COL11A1: variants seen among roughly 807,000 people sequenced by gnomAD.
The protein encoded by COL11A1 is collagen type XI alpha 1 chain.
In COL11A1, 74 loss-of-function variants were observed where a neutral mutation model predicts 265.2. The observed-to-expected ratio is 0.28, with a 90% CI of 0.23 to 0.34. The LOEUF (loss-of-function observed/expected upper bound fraction) is 0.34, where lower values mean the gene tolerates loss of function less well. Among genes scored for constraint, COL11A1 ranks in the 10% least tolerant of loss-of-function variants. COL11A1 has a pLI of 1.00. For synonymous variants in COL11A1, 816 were observed against 727.6 expected (o/e 1.12, Z -1.96); for missense variants, 2,165 against 2,263.6 (o/e 0.96, Z 0.88).
intron 54 of COL11A1, among the ~76,000 whole-genome samples, chr1:102,908,326 A>G (rs906027998): frequency 6.6e-6 from 1 of 152,096 alleles, no homozygotes; most frequent in African/African-American, 2.4e-5. Context: ...TTTTCTCCTA[A>G]TCGGATCTTT....
rs375496866 is a variant in COL11A1 at position 102,899,015 on chromosome 1, G to T, written c.4087-21C>A. ...GGACCCTATAGACATAAGATTTATTGTAAAATATGTATCACATATAAAAGT... is the reference window on the plus strand; with the variant it reads ...GGACCCTATAGACATAAGATTTATTTTAAAATATGTATCACATATAAAAGT... On this transcript the variant is annotated intron_variant, in intron 54 of 66. Coordinates refer to ENST00000370096, the MANE Select transcript of COL11A1 (RefSeq NM_001854.4). The T allele has an allele frequency of 3.6e-6, 5 of 1,398,530 alleles. No individual in the cohort carries two copies. The African/African-American group carries it at 5.8e-5, about 16-fold the overall frequency. 86.6% of individuals were successfully genotyped at this position (1,398,530 alleles called of 1,614,324 possible). A position where few individuals can be genotyped will look rare whatever the true frequency, so the allele number is the denominator to read the frequency against.
At chr1:102,898,425 A>T (rs1387960710) in intron 56 of COL11A1, among the ~76,000 whole-genome samples, 1 of 151,884 alleles carries the variant, frequency 6.6e-6, no homozygotes, top group African/African-American at 2.4e-5. Context: ...CATCATTGAA[A>T]TTTTAAAATT....
chr1:102,947,608 A>AT (rs1007631399), intron 41 of COL11A1, among the ~76,000 whole-genome samples: 6 of 151,812 alleles, frequency 4.0e-5, no homozygotes, highest in Non-Finnish European at 5.9e-5. Flanking sequence ...AGGTTTTTTA[A>AT]TTTTTTTTAA....
intron 54 of COL11A1, among the ~76,000 whole-genome samples, chr1:102,901,982 C>T (rs1045332892): frequency 2.0e-5 from 3 of 151,972 alleles, no homozygotes; most frequent in African/African-American, 2.4e-5. Context: ...GTAAAATAAA[C>T]AAAGATGATA....
chr1:102,956,045 A>G lies in COL11A1; in HGVS notation c.3168+5821T>C, dbSNP rs111629237. 3.7e-3 allele frequency among the ~76,000 whole-genome samples: 565 copies of G among 152,320 alleles called. 5 individuals are homozygous for G. The highest frequency in any genetic ancestry group is 0.012 in the African/African-American group (519 of 41,570). Reference sequence around the variant, plus strand: ...AGCACCCTATTGGTATAATTTTGTCATAAGTGGTAGCACGACAGAACGTTC... The same window carrying G: ...AGCACCCTATTGGTATAATTTTGTCGTAAGTGGTAGCACGACAGAACGTTC... On this transcript the variant is annotated intron_variant, in intron 41 of 66. Coordinates refer to ENST00000370096, the MANE Select transcript of COL11A1 (RefSeq NM_001854.4).
intron 4 of COL11A1, among the ~76,000 whole-genome samples, chr1:103,044,238 G>GT (rs1669068444): frequency 6.7e-6 from 1 of 150,290 alleles, no homozygotes; most frequent in Non-Finnish European, 1.5e-5. Flanking sequence ...GTAAAGGAAA[G>GT]TTGCCAAAAT....
At chr1:103,074,062 T>G (rs897851004) in intron 4 of COL11A1, among the ~76,000 whole-genome samples, 1 of 152,084 alleles carries the variant, frequency 6.6e-6, no homozygotes, top group Non-Finnish European at 1.5e-5. Flanking sequence ...AGTTGTCATA[T>G]CCAATGATTG....
At chr1:103,004,394 A>C (rs767977738) in intron 20 of COL11A1, 50 bp downstream of exon 20, 1 of 1,338,686 alleles carries the variant, frequency 7.5e-7, no homozygotes, top group South Asian at 1.2e-5. Context: ...ACCAGTCACT[A>C]GTCCTAAAAA....
At position 102,970,110 on chromosome 1, in the gene COL11A1, T is replaced by C. The variant is rs1661817501; in HGVS notation, c.2862+109A>G. 6.7e-6 allele frequency: 5 copies of C among 744,102 alleles called. No homozygotes were observed. The South Asian group carries it at 1.0e-4, about 15-fold the overall frequency. 46.1% of individuals were successfully genotyped at this position (744,102 alleles called of 1,614,324 possible). ...AGGCTTAATGGAATTAATTTTTCCA[T>C]TTTTCTCAACCTAGTAATTGAAATG... On this transcript the variant is annotated intron_variant, in intron 37 of 66. Coordinates refer to ENST00000370096, the MANE Select transcript of COL11A1 (RefSeq NM_001854.4).
intron 12 of COL11A1, among the ~76,000 whole-genome samples, chr1:103,014,954 G>A (rs1666441162): frequency 6.6e-6 from 1 of 151,906 alleles, no homozygotes; most frequent in Admixed American, 6.6e-5. Context: ...CAAGTTCAGT[G>A]ACAGTTACAG....
chr1:102,905,173 T>C (rs1246863617), intron 54 of COL11A1, among the ~76,000 whole-genome samples: 2 of 129,284 alleles, frequency 1.5e-5, no homozygotes, highest in Non-Finnish European at 1.6e-5. Flanking sequence ...AACTGAACAA[T>C]GAGAACACAT....
chr1:102,947,969 ATAAT>A (rs1198072069), intron 41 of COL11A1, among the ~76,000 whole-genome samples: 1 of 151,824 alleles, frequency 6.6e-6, no homozygotes, highest in Non-Finnish European at 1.5e-5. Flanking sequence ...TTTTTTCTTA[ATAAT>A]TAACATACTT....
chr1:102,999,077 C>G (rs1664886024), intron 24 of COL11A1, among the ~76,000 whole-genome samples: 1 of 151,824 alleles, frequency 6.6e-6, no homozygotes, highest in African/African-American at 2.4e-5. Flanking sequence ...TTAAATTTAT[C>G]AAGTTCCCAG....
At chr1:102,974,364 G>A (rs1662263511) in intron 36 of COL11A1, among the ~76,000 whole-genome samples, 1 of 152,094 alleles carries the variant, frequency 6.6e-6, no homozygotes, top group South Asian at 2.1e-4. Context: ...TTTCTAAAAA[G>A]AAGGGATTAT....
At chr1:102,947,488 C>G (rs1659422515) in intron 41 of COL11A1, among the ~76,000 whole-genome samples, 3 of 152,080 alleles carry the variant, frequency 2.0e-5, no homozygotes, top group Non-Finnish European at 2.9e-5. Flanking sequence ...TTGATAATCA[C>G]TATCCTAAAG....
At chr1:102,917,125 A>T (rs2101047248) in intron 49 of COL11A1, among the ~76,000 whole-genome samples, 1 of 152,050 alleles carries the variant, frequency 6.6e-6, no homozygotes, top group East Asian at 1.9e-4. Flanking sequence ...AAAAGAACAA[A>T]ACTGGAGGCA....
chr1:102,991,548 T>C (rs566425147), intron 28 of COL11A1, among the ~76,000 whole-genome samples: 1 of 152,242 alleles, frequency 6.6e-6, no homozygotes, highest in African/African-American at 2.4e-5. Flanking sequence ...TGCAACAATA[T>C]GCCGTCCTGC....
intron 54 of COL11A1, 27 bp downstream of exon 54, chr1:102,912,132 T>G: frequency 6.3e-7 from 1 of 1,587,932 alleles, no homozygotes. Flanking sequence ...GAGCATATGT[T>G]TCAAATAAAG....
At position 102,997,060 on chromosome 1, in the gene COL11A1, A is replaced by G. The variant is rs747947577; in HGVS notation, c.2241+20T>C. On this transcript the variant is annotated intron_variant, in intron 26 of 66. Coordinates refer to ENST00000370096, the MANE Select transcript of COL11A1 (RefSeq NM_001854.4). The stretch of plus-strand genomic sequence containing the variant: ...GGAAATTTATTAATAGGACATTTAA[A>G]TGGATACTTTGGAACCTACCAGAGC... 1 of 1,608,114 alleles carries G rather than the reference A, an allele frequency of 6.2e-7. No individual in the cohort carries two copies. Among genetic ancestry groups the G allele is most frequent in the Non-Finnish European group, 8.5e-7 (1 of 1,174,962 alleles).
Sources: allele counts gnomAD v4.1 joint callset (sites outside exome capture counted in the v4.1 genomes callset), GRCh38; gene constraint gnomAD v4.1.1; transcripts MANE v1.5; gene names NCBI Gene and HGNC (gene_info 2026-07-23, HGNC 2026-07-21).